SLC22A3: variants seen among roughly 807,000 people sequenced by gnomAD.
SLC22A3 encodes the protein solute carrier family 22 member 3, also known as EMT organic cation transporter 3.
A neutral mutation model predicts 59.1 loss-of-function variants in SLC22A3; 51 were observed. The observed-to-expected ratio is 0.86, with a 90% confidence interval of 0.69 to 1.09. The LOEUF (loss-of-function observed/expected upper bound fraction) is 1.09, where lower values mean the gene tolerates loss of function less well. Ranked by LOEUF, SLC22A3 falls within the 50% of genes least tolerant of loss-of-function variation. The probability of loss-of-function intolerance (pLI) is 0.00; values close to 1 mark genes in which losing one functional copy is unlikely to be tolerated. For synonymous variants in SLC22A3, 325 were observed against 292.0 expected, an observed-to-expected ratio of 1.11 and a Z score of -1.15; for missense variants, 711 against 726.3, an observed-to-expected ratio of 0.98 and a Z score of 0.24.
At chr6:160,353,906 A>G (rs1209757355) in intron 1 of SLC22A3, among the ~76,000 whole-genome samples, 2 of 152,178 alleles carry the variant, frequency 1.3e-5, no homozygotes, top group African/African-American at 2.4e-5. Context: ...AGAGGGGAAC[A>G]TTATCCCTTT....
At position 160,355,374 on chromosome 6, in the gene SLC22A3, C is replaced by T. The variant is rs958658927; in HGVS notation, c.429+6526C>T. Among the ~76,000 whole-genome samples, 5 of 152,214 alleles carry T rather than the reference C, an allele frequency of 3.3e-5. No individual in the cohort carries two copies. In the East Asian group the frequency reaches 5.8e-4, roughly 18 times the overall value. On this transcript the variant is annotated intron_variant, in intron 1 of 10. Transcript: ENST00000275300. ...TTTCCCTCTCTTAGCCCCCGGGGCT[C>T]CCACTCTCCAGGCAGTCACCCTGGG...
chr6:160,382,150 T>C (rs1785822939), intron 1 of SLC22A3, among the ~76,000 whole-genome samples: 2 of 152,182 alleles, frequency 1.3e-5, no homozygotes, highest in South Asian at 4.1e-4. Context: ...AAAATGCAGA[T>C]CCATTTATTC....
At chr6:160,429,161 A>G (rs1788064322) in intron 5 of SLC22A3, among the ~76,000 whole-genome samples, 1 of 152,228 alleles carries the variant, frequency 6.6e-6, no homozygotes, top group Non-Finnish European at 1.5e-5. Context: ...TGGTTCCCCC[A>G]ATCGGTGAGC....
intron 2 of SLC22A3, among the ~76,000 whole-genome samples, chr6:160,404,065 G>A (rs117788511): frequency 2.0e-5 from 3 of 151,860 alleles, no homozygotes; most frequent in East Asian, 1.9e-4. Context: ...AGAAGCCCTC[G>A]CTAATACAAT....
chr6:160,389,683 C>T (rs1786171537), intron 1 of SLC22A3, among the ~76,000 whole-genome samples: 1 of 152,234 alleles, frequency 6.6e-6, no homozygotes, highest in Admixed American at 6.5e-5. Context: ...CCCAGATGGT[C>T]AGAGCGAGGC....
At chr6:160,421,400 G>A (rs1479135004) in intron 5 of SLC22A3, among the ~76,000 whole-genome samples, 1 of 152,162 alleles carries the variant, frequency 6.6e-6, no homozygotes, top group Non-Finnish European at 1.5e-5. Flanking sequence ...TCCGAGCTTT[G>A]CGACATGACA....
intron 7 of SLC22A3, among the ~76,000 whole-genome samples, chr6:160,439,063 A>C (rs1171532662): frequency 1.4e-4 from 21 of 152,150 alleles, no homozygotes; most frequent in Admixed American, 1.4e-3. Context: ...ACATGGAATT[A>C]ACATATTATA....
chr6:160,348,956 G>A (rs1430003810), intron 1 of SLC22A3, 108 bp downstream of exon 1: 2 of 1,527,136 alleles, frequency 1.3e-6, no homozygotes, highest in Non-Finnish European at 1.7e-6. Context: ...CGGTGGAGAC[G>A]GGGACCGGTC....
chr6:160,450,003 G>C (rs1788889745), intron 10 of SLC22A3, among the ~76,000 whole-genome samples: 1 of 152,166 alleles, frequency 6.6e-6, no homozygotes, highest in South Asian at 2.1e-4. Context: ...AAGAGCAAAA[G>C]CAGAATGACT....
intron 7 of SLC22A3, among the ~76,000 whole-genome samples, chr6:160,441,542 A>C (rs1788539168): frequency 6.6e-6 from 1 of 150,860 alleles, no homozygotes; most frequent in African/African-American, 2.4e-5. Context: ...AATGGTTTGG[A>C]TTCTTGAGCC....
intron 1 of SLC22A3, among the ~76,000 whole-genome samples, chr6:160,372,039 A>C (rs995947721): frequency 6.6e-6 from 1 of 151,448 alleles, no homozygotes; most frequent in African/African-American, 2.4e-5. Context: ...TTTTCTTGTA[A>C]ATTTGTTTAA....
intron 10 of SLC22A3, among the ~76,000 whole-genome samples, chr6:160,448,418 ATAG>A (rs1788826683): frequency 6.6e-6 from 1 of 152,226 alleles, no homozygotes; most frequent in Admixed American, 6.5e-5. Context: ...TAGATAAGTG[ATAG>A]TAGATAAATG....
intron 4 of SLC22A3, among the ~76,000 whole-genome samples, chr6:160,409,254 G>A (rs1274491716): frequency 2.0e-5 from 2 of 97,796 alleles, no homozygotes; most frequent in Admixed American, 1.2e-4. Context: ...TCCCACCTAT[G>A]AGTGAGAATA....
intron 5 of SLC22A3, among the ~76,000 whole-genome samples, chr6:160,432,432 ATT>A (rs35059975): frequency 2.0e-4 from 28 of 141,006 alleles, no homozygotes; most frequent in African/African-American, 6.8e-4. Context: ...TGTAGGCTTA[ATT>A]TTTTTTTTTT....
chr6:160,372,686 G>A (rs1785445238), intron 1 of SLC22A3, among the ~76,000 whole-genome samples: 1 of 152,054 alleles, frequency 6.6e-6, no homozygotes, highest in Non-Finnish European at 1.5e-5. Flanking sequence ...TGGAGGCTTT[G>A]TTTGTTCCTT....
At chr6:160,384,226 AT>A in intron 1 of SLC22A3, among the ~76,000 whole-genome samples, 1 of 152,272 alleles carries the variant, frequency 6.6e-6, no homozygotes, top group South Asian at 2.1e-4. Flanking sequence ...ATACTATATC[AT>A]TTTATATCAG....
intron 1 of SLC22A3, among the ~76,000 whole-genome samples, chr6:160,352,500 A>T (rs552426266): frequency 6.6e-6 from 1 of 152,180 alleles, no homozygotes; most frequent in Non-Finnish European, 1.5e-5. Context: ...AATGCTTGCT[A>T]ATATGGTATG....
rs1409463355 is a variant in SLC22A3, at chr6:160,442,835, T to C, written c.1363T>C (p.Leu455=). ...AACCATGGCCTTTGAAATTGTTTAT[T>C]TGGTAAATTCAGAATTGTACCCAAC... The part of the protein sequence containing the change: ...GITMAFEIVY[L]VNSELYPTTL... The change falls in exon 8 of 11, where the codon TTG becomes CTG. Residue 455 remains leucine (L), a synonymous_variant. Transcript: ENST00000275300. The C allele has an allele frequency of 1.9e-6, 3 of 1,613,840 alleles. No individual in the cohort carries two copies. The highest frequency in any genetic ancestry group is 2.5e-6 in the Non-Finnish European group (3 of 1,179,860).
chr6:160,423,081 GT>G (rs1787810295), intron 5 of SLC22A3, among the ~76,000 whole-genome samples: 1 of 152,118 alleles, frequency 6.6e-6, no homozygotes, highest in Non-Finnish European at 1.5e-5. Flanking sequence ...AACATGCGGT[GT>G]TTGGTTTTTT....
Sources: allele counts gnomAD v4.1 joint callset (sites outside exome capture counted in the v4.1 genomes callset), GRCh38; gene constraint gnomAD v4.1.1; transcripts MANE v1.5; gene names NCBI Gene and HGNC (gene_info 2026-07-23, HGNC 2026-07-21).